Variants in PRKN observed in about 807,000 individuals in gnomAD.
The protein encoded by PRKN is parkin RBR E3 ubiquitin protein ligase.
In PRKN, 56 loss-of-function variants were observed where a neutral mutation model predicts 59.5. The observed-to-expected ratio is 0.94, with a 90% CI of 0.76 to 1.18. PRKN has a LOEUF of 1.18. Ranked by LOEUF, PRKN falls within the 50% of genes most tolerant of loss-of-function variation. The pLI is 0.00. For synonymous variants in PRKN, 250 were observed against 222.1 expected (o/e 1.13, Z -1.12); for missense variants, 657 against 596.4 (o/e 1.10, Z -1.06).
intron 7 of PRKN, among the ~76,000 whole-genome samples, chr6:161,653,830 G>A (rs536462107): frequency 1.3e-5 from 2 of 152,312 alleles, no homozygotes; most frequent in African/African-American, 4.8e-5. Flanking sequence ...ATTCTTTGAT[G>A]TAACTGTGAA....
intron 6 of PRKN, among the ~76,000 whole-genome samples, chr6:161,804,541 T>A (rs1791227134): frequency 1.3e-5 from 2 of 152,234 alleles, no homozygotes; most frequent in East Asian, 3.9e-4. Flanking sequence ...GTTGGACCCA[T>A]AAGGAGAAGG....
intron 1 of PRKN, among the ~76,000 whole-genome samples, chr6:162,491,491 C>T (rs1313650853): frequency 6.6e-6 from 1 of 152,202 alleles, no homozygotes; most frequent in Admixed American, 6.5e-5. Context: ...CATGCTCCAG[C>T]CACTGCCTGC....
At chr6:162,194,041 T>G (rs1284503438) in intron 4 of PRKN, among the ~76,000 whole-genome samples, 1 of 152,198 alleles carries the variant, frequency 6.6e-6, no homozygotes, top group East Asian at 1.9e-4. Context: ...AAATGTTTTT[T>G]AAATCTGGAG....
chr6:162,130,097 A>G (rs1781287631), intron 4 of PRKN, among the ~76,000 whole-genome samples: 1 of 152,106 alleles, frequency 6.6e-6, no homozygotes, highest in Admixed American at 6.6e-5. Flanking sequence ...TACAGACCCT[A>G]CCAAACGAAG....
At chr6:161,813,158 A>C (rs148105321) in intron 6 of PRKN, among the ~76,000 whole-genome samples, 2 of 152,182 alleles carry the variant, frequency 1.3e-5, no homozygotes, top group African/African-American at 4.8e-5. Context: ...ATTCTGTTTT[A>C]ACTGACAGGA....
intron 4 of PRKN, among the ~76,000 whole-genome samples, chr6:162,071,598 ATT>A (rs11316742): frequency 0.014 from 1,867 of 135,680 alleles, 33 homozygotes; most frequent in African/African-American, 0.044. Context: ...ACTGAATTTA[ATT>A]TTTTTTTTTT....
chr6:162,199,491 G>A (rs1199176634), intron 4 of PRKN, among the ~76,000 whole-genome samples: 1 of 152,190 alleles, frequency 6.6e-6, no homozygotes, highest in Non-Finnish European at 1.5e-5. Context: ...ATACCAGGAA[G>A]TTGGTATAAA....
chr6:161,387,101 G>A (rs1360466750), intron 9 of PRKN, among the ~76,000 whole-genome samples: 2 of 152,116 alleles, frequency 1.3e-5, no homozygotes, highest in Non-Finnish European at 2.9e-5. Flanking sequence ...AGAGATGATG[G>A]GTCACATTTC....
intron 6 of PRKN, among the ~76,000 whole-genome samples, chr6:161,934,795 A>C (rs532966348): frequency 6.6e-6 from 1 of 152,272 alleles, no homozygotes; most frequent in East Asian, 1.9e-4. Context: ...CTCCTCTGAC[A>C]ATTATTAATT....
rs1188668836 is a variant in PRKN at position 161,580,887 on chromosome 6, A to G, written c.872-11471T>C. On this transcript the variant is annotated intron_variant, in intron 7 of 11. Transcript: ENST00000366898. ...ATTATCCTAGGAAAAACTTTCATCT[A>G]TCTGTGTTTGTGTATTTACAACTTC... Among the ~76,000 whole-genome samples the G allele has an allele frequency of 3.3e-5, 5 of 152,060 alleles. No individual in the cohort carries two copies. In the East Asian group the frequency reaches 7.8e-4, roughly 24 times the overall value.
chr6:162,595,325 G>A (rs1424505833), intron 1 of PRKN, among the ~76,000 whole-genome samples: 3 of 150,338 alleles, frequency 2.0e-5, no homozygotes, highest in Non-Finnish European at 4.4e-5. Context: ...GTGCAATCTT[G>A]GCTCACTGCA....
chr6:162,328,603 A>T (rs746762245), intron 2 of PRKN, among the ~76,000 whole-genome samples: 2 of 152,210 alleles, frequency 1.3e-5, no homozygotes, highest in African/African-American at 4.8e-5. Context: ...CGTATCTTAT[A>T]AGTGCTGAGC....
At chr6:162,542,500 T>C (rs1778965971) in intron 1 of PRKN, among the ~76,000 whole-genome samples, 1 of 152,144 alleles carries the variant, frequency 6.6e-6, no homozygotes, top group African/African-American at 2.4e-5. Flanking sequence ...ACATACGGCA[T>C]TTCCACAAGA....
chr6:162,010,238 A>G (rs907275617), intron 5 of PRKN, among the ~76,000 whole-genome samples: 29 of 120,362 alleles, frequency 2.4e-4, no homozygotes, highest in African/African-American at 7.9e-4. Context: ...TATATTTTAT[A>G]TATTTATTAT....
intron 5 of PRKN, among the ~76,000 whole-genome samples, chr6:161,977,434 C>A (rs1562433180): frequency 6.6e-6 from 1 of 151,490 alleles, no homozygotes; most frequent in Non-Finnish European, 1.5e-5. Context: ...CTAAGCAAGT[C>A]ATCTTTTCAT....
chr6:162,597,208 G>A (rs1042725436), intron 1 of PRKN, among the ~76,000 whole-genome samples: 1 of 152,094 alleles, frequency 6.6e-6, no homozygotes, highest in African/African-American at 2.4e-5. Context: ...TGAAATGTAC[G>A]AAAGTTAGGC....
At chr6:161,848,707 T>A (rs1004040068) in intron 6 of PRKN, among the ~76,000 whole-genome samples, 2 of 152,206 alleles carry the variant, frequency 1.3e-5, no homozygotes, top group African/African-American at 4.8e-5. Flanking sequence ...AGAACTATAA[T>A]AAATTATTCA....
chr6:162,027,914 A>G (rs777245998), intron 5 of PRKN, among the ~76,000 whole-genome samples: 9 of 151,864 alleles, frequency 5.9e-5, no homozygotes, highest in Non-Finnish European at 1.0e-4. Flanking sequence ...GATTAATTAC[A>G]TTAACTTGGA....
intron 6 of PRKN, among the ~76,000 whole-genome samples, chr6:161,891,034 C>A (rs894457568): frequency 1.3e-5 from 2 of 152,126 alleles, no homozygotes; most frequent in African/African-American, 2.4e-5. Flanking sequence ...TGCTACAAAG[C>A]GGGAAATAAC....
Sources: allele counts gnomAD v4.1 joint callset (sites outside exome capture counted in the v4.1 genomes callset), GRCh38; gene constraint gnomAD v4.1.1; transcripts MANE v1.5; gene names NCBI Gene and HGNC (gene_info 2026-07-23, HGNC 2026-07-21).